ABCB5: variants seen among roughly 807,000 people sequenced by gnomAD.
ABCB5 encodes ATP-binding cassette sub-family B member 5.
ABCB5 carries 155 observed loss-of-function variants against 144.2 expected under a neutral mutation model. The observed-to-expected ratio is 1.08, with a 90% confidence interval of 0.94 to 1.23. The LOEUF (loss-of-function observed/expected upper bound fraction) is 1.23. Ranked by LOEUF, ABCB5 falls within the 50% of genes most tolerant of loss-of-function variation. The pLI is 0.00. For synonymous variants in ABCB5, 610 were observed against 528.6 expected, an observed-to-expected ratio of 1.15 and a Z score of -2.11; for missense variants, 1,830 against 1,520.8, an observed-to-expected ratio of 1.20 and a Z score of -3.38.
intron 14 of ABCB5, chr7:20,659,768 C>G (rs1425870491): frequency 1.0e-6 from 1 of 985,426 alleles, no homozygotes; most frequent in East Asian, 1.1e-4. Context: ...AGTGCAACCT[C>G]TGCCCACTGT....
At chr7:20,681,455 T>C (rs1409359331) in intron 14 of ABCB5, 50 bp from the exon 15 acceptor site, 16 of 1,595,142 alleles carry the variant, frequency 1.0e-5, no homozygotes, top group African/African-American at 1.3e-5. Context: ...AGTGCAAAGG[T>C]TGTTATTTCT....
chr7:20,740,213 T>C (rs549349774), intron 24 of ABCB5, among the ~76,000 whole-genome samples: 1 of 152,252 alleles, frequency 6.6e-6, no homozygotes, highest in African/African-American at 2.4e-5. Context: ...GCACCCCAGC[T>C]TGGGCGACAG....
chr7:20,648,111 T>G (rs1269114659), intron 11 of ABCB5, 33 bp downstream of exon 11: 1 of 1,281,408 alleles, frequency 7.8e-7, no homozygotes, highest in Non-Finnish European at 1.1e-6. Context: ...ATTGTGCAGT[T>G]TTCTGATATT....
intron 15 of ABCB5, among the ~76,000 whole-genome samples, chr7:20,683,717 A>C (rs1785899820): frequency 6.6e-6 from 1 of 152,222 alleles, no homozygotes; most frequent in Non-Finnish European, 1.5e-5. Flanking sequence ...AAATATTAAT[A>C]CTAAGTATAA....
At chr7:20,751,967 T>C (rs1192180458) in intron 26 of ABCB5, among the ~76,000 whole-genome samples, 1 of 152,220 alleles carries the variant, frequency 6.6e-6, no homozygotes. Flanking sequence ...GCATGTTAAA[T>C]TGAAAAGTAA....
intron 9 of ABCB5, 148 bp from the exon 10 acceptor site, chr7:20,647,387 C>T: frequency 7.3e-7 from 1 of 1,376,570 alleles, no homozygotes; most frequent in South Asian, 1.9e-5. Context: ...AATCTGTGTT[C>T]TTTTTTATTT....
At chr7:20,731,369 A>AAAAAAAAAAAAATATATAT (rs57305244) in intron 23 of ABCB5, among the ~76,000 whole-genome samples, 8 of 123,100 alleles carry the variant, frequency 6.5e-5, no homozygotes, top group African/African-American at 2.6e-4. Flanking sequence ...AAAAAAAAAA[A>AAAAAAAAAAAAATATATAT]ATATATATAT....
chr7:20,676,090 T>G (rs183733666), intron 14 of ABCB5, among the ~76,000 whole-genome samples: 3 of 151,870 alleles, frequency 2.0e-5, no homozygotes, highest in African/African-American at 7.2e-5. Context: ...AGTTGCAGTC[T>G]CTATGGAAAA....
chr7:20,737,224 G>A (rs971013054), intron 23 of ABCB5, among the ~76,000 whole-genome samples: 8 of 150,998 alleles, frequency 5.3e-5, no homozygotes, highest in Admixed American at 2.6e-4. Flanking sequence ...ACACCTCAAA[G>A]TCCACACTTC....
chr7:20,678,798 A>G (rs1049206568), intron 14 of ABCB5, among the ~76,000 whole-genome samples: 1 of 152,224 alleles, frequency 6.6e-6, no homozygotes. Context: ...CCAGCCCAAT[A>G]GCAAATAGAA....
chr7:20,679,486 AG>A (rs1785721745), intron 14 of ABCB5, among the ~76,000 whole-genome samples: 2 of 141,996 alleles, frequency 1.4e-5, no homozygotes, highest in Admixed American at 6.8e-5. Flanking sequence ...AAAAAAAAAA[AG>A]AGAGAGAGAG....
chr7:20,636,630 C>T (rs1215599509), intron 5 of ABCB5, among the ~76,000 whole-genome samples: 1 of 151,498 alleles, frequency 6.6e-6, no homozygotes, highest in Non-Finnish European at 1.5e-5. Flanking sequence ...ATTAAGAATA[C>T]AAAAATTAGC....
At position 20,745,328 on chromosome 7, in the gene ABCB5, ATT is replaced by A. The variant is rs757718136; in HGVS notation, c.3320_3321del (p.Ile1107SerfsTer2). ...PQEPVLFNCS[I>X]AENIAYGDNS... ...AGAGCCTGTGCTCTTCAACTGCAGCATTGCTGAGAACATCGCCTATGGTGACA... is the reference window on the plus strand; with the variant it reads ...AGAGCCTGTGCTCTTCAACTGCAGCAGCTGAGAACATCGCCTATGGTGACA... On this transcript the variant is annotated frameshift_variant, in exon 26 of 28. Transcript: ENST00000404938. LOFTEE classifies it high-confidence loss of function. 3.1e-6 allele frequency: 5 copies of A among 1,614,156 alleles called. No homozygotes were observed. The South Asian group carries it at 5.5e-5, about 18-fold the overall frequency.
intron 14 of ABCB5, among the ~76,000 whole-genome samples, chr7:20,665,141 CAG>C (rs1381000730): frequency 6.6e-6 from 1 of 152,106 alleles, no homozygotes; most frequent in Non-Finnish European, 1.5e-5. Context: ...TTCATTTTAG[CAG>C]AGTTTACATT....
At chr7:20,722,705 C>A (rs1781910249) in intron 20 of ABCB5, among the ~76,000 whole-genome samples, 2 of 151,982 alleles carry the variant, frequency 1.3e-5, no homozygotes, top group South Asian at 4.2e-4. Flanking sequence ...GCCTGTAATC[C>A]CAGCTGCTCC....
At chr7:20,660,360 T>G in intron 14 of ABCB5, 9 of 985,516 alleles carry the variant, frequency 9.1e-6, no homozygotes, top group Non-Finnish European at 1.1e-5. Flanking sequence ...TTTCAGTTGT[T>G]TAAAGGAGAA....
At chr7:20,745,521 T>A in intron 26 of ABCB5, 83 bp downstream of exon 26, 1 of 1,200,414 alleles carries the variant, frequency 8.3e-7, no homozygotes, top group Non-Finnish European at 1.2e-6. Flanking sequence ...TGTTTTTATG[T>A]ATTCCTTGGA....
chr7:20,666,686 G>T, intron 14 of ABCB5: 2 of 1,535,144 alleles, frequency 1.3e-6, no homozygotes, highest in East Asian at 4.6e-5. Context: ...TAATTGTTTG[G>T]CTTTTAGCTT....
chr7:20,709,111 C>T (rs1786922269), intron 20 of ABCB5, among the ~76,000 whole-genome samples: 1 of 152,180 alleles, frequency 6.6e-6, no homozygotes, highest in South Asian at 2.1e-4. Flanking sequence ...CTCTCAACGT[C>T]TGTAACTATG....
Sources: allele counts gnomAD v4.1 joint callset (sites outside exome capture counted in the v4.1 genomes callset), GRCh38; gene constraint gnomAD v4.1.1; transcripts MANE v1.5; gene names NCBI Gene and HGNC (gene_info 2026-07-23, HGNC 2026-07-21).